The following ATG5 variants were observed in gnomAD, a reference collection of about 807,000 sequenced individuals.
The protein encoded by ATG5 is autophagy protein 5.
Under a neutral mutation model 36.5 loss-of-function variants are expected in ATG5, and 14 were observed. The observed-to-expected ratio is 0.38, with a 90% CI of 0.25 to 0.60. ATG5 has a LOEUF of 0.60. Among genes scored for constraint, ATG5 ranks in the 20% least tolerant of loss-of-function variants. The pLI is 0.60. For missense variants in ATG5, 195 were observed against 326.7 expected (o/e 0.60, Z 3.11); for synonymous variants, 95 against 101.5 (o/e 0.94, Z 0.38).
intron 2 of ATG5, 52 bp downstream of exon 2, chr6:106,316,049 T>C: frequency 7.6e-6 from 11 of 1,454,794 alleles, no homozygotes; most frequent in Non-Finnish European, 1.0e-5. Flanking sequence ...AGCTTTTTCT[T>C]ACAAAAATGG....
At chr6:106,257,173 G>A (rs577379797) in intron 5 of ATG5, among the ~76,000 whole-genome samples, 3 of 152,054 alleles carry the variant, frequency 2.0e-5, no homozygotes, top group African/African-American at 2.4e-5. Context: ...GTCTTTAGGG[G>A]CAATAACATG....
chr6:106,227,209 G>A (rs1777484011), intron 6 of ATG5, among the ~76,000 whole-genome samples: 2 of 152,148 alleles, frequency 1.3e-5, no homozygotes, highest in African/African-American at 4.8e-5. Context: ...AGGGACTTAT[G>A]TACAAAACAT....
At chr6:106,221,711 GA>G (rs139451759) in intron 6 of ATG5, among the ~76,000 whole-genome samples, 57 of 144,110 alleles carry the variant, frequency 4.0e-4, no homozygotes, top group Admixed American at 9.1e-4. Flanking sequence ...AAGAAAGAAA[GA>G]AAAAAAAATC....
chr6:106,193,832 C>A (rs1007927705), intron 7 of ATG5, among the ~76,000 whole-genome samples: 1 of 151,954 alleles, frequency 6.6e-6, no homozygotes, highest in Non-Finnish European at 1.5e-5. Flanking sequence ...GAATGAAGCC[C>A]CATAGTACCT....
intron 6 of ATG5, among the ~76,000 whole-genome samples, chr6:106,241,651 C>G (rs766562523): frequency 9.9e-5 from 15 of 152,154 alleles, no homozygotes; most frequent in Non-Finnish European, 1.5e-4. Flanking sequence ...TTGGTGGATT[C>G]TGAGTACAGC....
intron 2 of ATG5, among the ~76,000 whole-genome samples, chr6:106,309,744 TAA>T (rs1160805088): frequency 6.6e-6 from 1 of 152,124 alleles, no homozygotes; most frequent in Non-Finnish European, 1.5e-5. Context: ...GATGTGACAT[TAA>T]AGTCTCTTTA....
At chr6:106,271,667 G>A (rs1381344307) in intron 5 of ATG5, 2 of 152,080 alleles carry the variant, frequency 1.3e-5, no homozygotes, top group Admixed American at 6.5e-5. Context: ...TAACCAATGA[G>A]GTTCATCCAA....
chr6:106,310,575 G>C (rs1770610165), intron 2 of ATG5, among the ~76,000 whole-genome samples: 1 of 151,696 alleles, frequency 6.6e-6, no homozygotes, highest in Non-Finnish European at 1.5e-5. Context: ...AATATACCTA[G>C]TATAAAATTT....
chr6:106,197,510 G>A (rs1776242933), intron 7 of ATG5, among the ~76,000 whole-genome samples: 1 of 143,274 alleles, frequency 7.0e-6, no homozygotes. Flanking sequence ...GGCCTAATGG[G>A]AGGTATTTGG....
chr6:106,292,822 T>C (rs1780369095), intron 4 of ATG5, among the ~76,000 whole-genome samples: 1 of 152,146 alleles, frequency 6.6e-6, no homozygotes, highest in South Asian at 2.1e-4. Context: ...AGAAAAGCAG[T>C]TCATATATTA....
Position 106,185,974 on chromosome 6 carries a change from T to G in ATG5, c.*566A>C, listed in dbSNP as rs564503059. 1.3e-5 allele frequency: 2 copies of G among 152,954 alleles called. No individual in the cohort carries two copies. Among genetic ancestry groups the G allele is most frequent in the Non-Finnish European group, 2.9e-5 (2 of 68,058 alleles). The allele number at this position is 152,954 out of a possible 1,614,324, so 9.5% of individuals were successfully genotyped here. ...TTTAAAAATCTCTCACTGTTCATTA[T>G]CAAAGTTACAAGATTGCATACCAAT... On this transcript the variant is annotated 3_prime_UTR_variant, in exon 8 of 8. Transcript: ENST00000369076.
chr6:106,307,501 G>C (rs76409981), intron 3 of ATG5, among the ~76,000 whole-genome samples: 233 of 149,272 alleles, frequency 1.6e-3, no homozygotes, highest in African/African-American at 5.6e-3. Context: ...TTAGTACATG[G>C]ATAAGCACAG....
At chr6:106,276,464 C>CA (rs35078793) in intron 5 of ATG5, among the ~76,000 whole-genome samples, 31,290 of 109,224 alleles carry the variant, frequency 0.29, 4,054 homozygotes, top group East Asian at 0.49. Flanking sequence ...ACTCTGTCTC[C>CA]AAAAAAAAAA....
At chr6:106,271,847 T>C (rs1392167104) in intron 5 of ATG5, 1 of 152,222 alleles carries the variant, frequency 6.6e-6, no homozygotes. Flanking sequence ...CCTGTGTTTA[T>C]CTACACTTTT....
chr6:106,273,306 T>C (rs1779523749), intron 5 of ATG5, among the ~76,000 whole-genome samples: 1 of 152,232 alleles, frequency 6.6e-6, no homozygotes, highest in Admixed American at 6.5e-5. Flanking sequence ...TCTGTTTTAG[T>C]AGTTTTTCTA....
At chr6:106,197,078 C>T (rs710090) in intron 7 of ATG5, among the ~76,000 whole-genome samples, 1 of 152,052 alleles carries the variant, frequency 6.6e-6, no homozygotes, top group Non-Finnish European at 1.5e-5. Context: ...TGTTAGGGGA[C>T]AGATCATTAC....
intron 6 of ATG5, among the ~76,000 whole-genome samples, chr6:106,228,755 C>A (rs1457361728): frequency 1.3e-5 from 2 of 152,156 alleles, no homozygotes; most frequent in Non-Finnish European, 2.9e-5. Flanking sequence ...GAGGAAAATA[C>A]TGGGCACCTG....
chr6:106,232,606 G>A (rs1443848377), intron 6 of ATG5, among the ~76,000 whole-genome samples: 1 of 152,026 alleles, frequency 6.6e-6, no homozygotes, highest in Non-Finnish European at 1.5e-5. Flanking sequence ...TTAGACCCGA[G>A]GCTCAACAAG....
At chr6:106,300,192 C>T (rs1193952174) in intron 3 of ATG5, among the ~76,000 whole-genome samples, 1 of 152,064 alleles carries the variant, frequency 6.6e-6, no homozygotes, top group Non-Finnish European at 1.5e-5. Context: ...ATTATTGGAA[C>T]GCTAAGCTTG....
Sources: allele counts gnomAD v4.1 joint callset (sites outside exome capture counted in the v4.1 genomes callset), GRCh38; gene constraint gnomAD v4.1.1; transcripts MANE v1.5; gene names NCBI Gene and HGNC (gene_info 2026-07-23, HGNC 2026-07-21).